The following LPP variants were observed in gnomAD, a reference collection of about 807,000 sequenced individuals.
LPP encodes LIM domain containing preferred translocation partner in lipoma.
In LPP, 38 loss-of-function variants were observed where a neutral mutation model predicts 60.4. The observed-to-expected ratio is 0.63, with a 90% CI of 0.49 to 0.83. LPP has a LOEUF of 0.83. LPP is among the 40% of genes least tolerant of loss of function. The probability of loss-of-function intolerance (pLI) is 0.00; values close to 1 mark genes in which losing one functional copy is unlikely to be tolerated. For synonymous variants in LPP, 328 were observed against 290.8 expected, an observed-to-expected ratio of 1.13 and a Z score of -1.30; for missense variants, 902 against 783.6, an observed-to-expected ratio of 1.15 and a Z score of -1.80.
chr3:188,232,770 A>G (rs1720541356), intron 2 of LPP, among the ~76,000 whole-genome samples: 1 of 152,262 alleles, frequency 6.6e-6, no homozygotes, highest in South Asian at 2.1e-4. Flanking sequence ...AATTTGGAGT[A>G]GGAAGACTGT....
chr3:188,383,699 T>C (rs1777478292), intron 3 of LPP, among the ~76,000 whole-genome samples: 1 of 152,188 alleles, frequency 6.6e-6, no homozygotes, highest in African/African-American at 2.4e-5. Context: ...CTGAATATAT[T>C]TTGACAATGT....
intron 2 of LPP, among the ~76,000 whole-genome samples, chr3:188,247,714 G>A (rs540693300): frequency 1.3e-5 from 2 of 151,492 alleles, no homozygotes; most frequent in African/African-American, 2.4e-5. Flanking sequence ...CAGGAGAATC[G>A]CTTGAACTTG....
chr3:188,849,882 C>T (rs538960147), intron 9 of LPP, among the ~76,000 whole-genome samples: 10 of 152,298 alleles, frequency 6.6e-5, no homozygotes, highest in South Asian at 6.2e-4. Context: ...CTGAAGACAA[C>T]GTATGTTTCT....
At chr3:188,592,551 G>GTTTTTTTT (rs1553936326) in intron 6 of LPP, among the ~76,000 whole-genome samples, 105 of 98,186 alleles carry the variant, frequency 1.1e-3, no homozygotes, top group African/African-American at 2.8e-3. Context: ...TTTTAGTTTT[G>GTTTTTTTT]TTTTTGTTTT....
At chr3:188,289,416 T>C (rs1454739980) in intron 2 of LPP, among the ~76,000 whole-genome samples, 3 of 152,252 alleles carry the variant, frequency 2.0e-5, no homozygotes, top group Admixed American at 6.5e-5. Context: ...ATTCACTCAA[T>C]TATTTATTGA....
chr3:188,623,675 C>T (rs536318507), intron 7 of LPP, among the ~76,000 whole-genome samples: 3 of 152,302 alleles, frequency 2.0e-5, no homozygotes, highest in East Asian at 1.9e-4. Context: ...TGCCTGCTTG[C>T]GAAAGTATGT....
intron 2 of LPP, among the ~76,000 whole-genome samples, chr3:188,313,420 A>G (rs545662154): frequency 1.3e-5 from 2 of 152,182 alleles, no homozygotes; most frequent in Admixed American, 1.3e-4. Flanking sequence ...TGGGCAGATC[A>G]CTTGAGGTCA....
chr3:188,683,519 G>T (rs1005929638), intron 7 of LPP, among the ~76,000 whole-genome samples: 7 of 152,124 alleles, frequency 4.6e-5, no homozygotes, highest in African/African-American at 1.7e-4. Context: ...TTAGTCAAAA[G>T]CCTGCCTTTT....
intron 1 of LPP, among the ~76,000 whole-genome samples, chr3:188,222,231 A>G (rs1360578995): frequency 6.6e-6 from 1 of 152,212 alleles, no homozygotes; most frequent in Non-Finnish European, 1.5e-5. Context: ...TTCAAATGAT[A>G]AAATAAATGA....
chr3:188,759,168 C>T (rs975717346), intron 8 of LPP: 17 of 152,228 alleles, frequency 1.1e-4, no homozygotes, highest in African/African-American at 3.9e-4. Flanking sequence ...TAATGCCTCT[C>T]ACTGACATAA....
At chr3:188,552,701 T>G (rs1340687861) in intron 6 of LPP, among the ~76,000 whole-genome samples, 1 of 152,178 alleles carries the variant, frequency 6.6e-6, no homozygotes, top group Non-Finnish European at 1.5e-5. Context: ...GACCACTCTT[T>G]CATAGTCATG....
intron 6 of LPP, among the ~76,000 whole-genome samples, chr3:188,551,104 G>A (rs905344086): frequency 1.3e-5 from 2 of 152,078 alleles, no homozygotes; most frequent in Non-Finnish European, 2.9e-5. Flanking sequence ...TTTTCACACC[G>A]CTGATAAGGA....
At chr3:188,325,859 T>C (rs773680388) in intron 2 of LPP, among the ~76,000 whole-genome samples, 7 of 152,218 alleles carry the variant, frequency 4.6e-5, no homozygotes, top group African/African-American at 7.2e-5. Flanking sequence ...GGCATAGGGA[T>C]TTTTGTGCAG....
In LPP at chr3:188,610,829, G is replaced by A. The variant is rs568372389; in HGVS notation, c.1113+985G>A. ...AATAGAGGAACTGAGCCAGTTTCCA[G>A]CCACTTGGGTTGGAAGAGTGCCCTT... On this transcript the variant is annotated intron_variant, in intron 7 of 11. Coordinates refer to ENST00000617246, the MANE Select transcript of LPP (RefSeq NM_001375462.1). This position sits in a 1 kb window ranked among gnomAD's most constrained non-coding sequence, Gnocchi z 4.4. 2.0e-5 allele frequency among the ~76,000 whole-genome samples: 3 copies of A among 152,312 alleles called. No homozygotes were observed. The highest frequency in any genetic ancestry group is 3.9e-4 in the East Asian group (2 of 5,180).
At chr3:188,641,024 T>C (rs1370162185) in intron 7 of LPP, among the ~76,000 whole-genome samples, 1 of 152,228 alleles carries the variant, frequency 6.6e-6, no homozygotes, top group Non-Finnish European at 1.5e-5. Flanking sequence ...GAGATGAATG[T>C]TCCAAATCTC....
At position 188,485,752 on chromosome 3, in the gene LPP, G is replaced by A. The variant is rs377611844; in HGVS notation, c.306+1048G>A. On this transcript the variant is annotated intron_variant, in intron 5 of 11. Transcript: ENST00000617246. Reference sequence around the variant, plus strand: ...GCAGAGCTTGCAGTGAGCCGAGATCGCACCACTGCACTCCAGCCTGGGCGA... The same window carrying A: ...GCAGAGCTTGCAGTGAGCCGAGATCACACCACTGCACTCCAGCCTGGGCGA... 3.6e-4 allele frequency among the ~76,000 whole-genome samples: 46 copies of A among 127,134 alleles called. No individual in the cohort carries two copies. In the East Asian group the frequency reaches 8.5e-3, roughly 24 times the overall value. 83.4% of individuals were successfully genotyped at this position (127,134 alleles called of 152,430 possible). A position where few individuals can be genotyped will look rare whatever the true frequency, so the allele number is the denominator to read the frequency against.
chr3:188,326,346 T>C (rs749268040), intron 2 of LPP, among the ~76,000 whole-genome samples: 2 of 152,218 alleles, frequency 1.3e-5, no homozygotes, highest in Admixed American at 6.5e-5. Flanking sequence ...CAATTAAATA[T>C]ACCGTACTCT....
chr3:188,251,708 G>A (rs1410583235), intron 2 of LPP, among the ~76,000 whole-genome samples: 5 of 151,540 alleles, frequency 3.3e-5, no homozygotes, highest in African/African-American at 1.2e-4. Context: ...CAAGACTGAG[G>A]GTATATTGTC....
chr3:188,354,189 GTCT>G lies in LPP; in HGVS notation c.-10+12475_-10+12477del, dbSNP rs142380695. ...AACACACACACACAAATGTCGAGCA[GTCT>G]TCTTTTTTTAATGTATATTCTCAGG... is the stretch of plus-strand genomic sequence containing the variant. On this transcript the variant is annotated intron_variant, in intron 3 of 11. Transcript: ENST00000617246. Among the ~76,000 whole-genome samples the G allele has an allele frequency of 4.6e-3, 707 of 152,150 alleles. 3 individuals are homozygous for G. The highest frequency in any genetic ancestry group is 0.016 in the African/African-American group (665 of 41,492).
Sources: gnomAD v4.1 joint callset for allele counts (sites outside exome capture counted in the v4.1 genomes callset) on GRCh38, gnomAD v4.1.1 for gene constraint, Gnocchi (gnomAD v3.1) non-coding constraint, MANE v1.5 for transcripts, NCBI Gene and HGNC (gene_info 2026-07-23, HGNC 2026-07-21) for gene names.